Variants in SH3GL2 observed in about 807,000 individuals in gnomAD.
SH3GL2 encodes endophilin-A1.
SH3GL2 carries 24 observed loss-of-function variants against 46.0 expected under a neutral mutation model. That is an observed-to-expected ratio of 0.52 (90% CI 0.38 to 0.73). SH3GL2 has a LOEUF of 0.73. SH3GL2 is among the 30% of genes least tolerant of loss of function. The pLI is 0.00. For synonymous variants in SH3GL2, 196 were observed against 147.1 expected (o/e 1.33, Z -2.40); for missense variants, 413 against 424.2 (o/e 0.97, Z 0.23).
Position 17,622,977 on chromosome 9 carries a change from T to TTTCCTTCCCTTTCCTTTCCTTTCCG in SH3GL2, c.45+43696_45+43697insCCCTTTCCTTTCCTTTCCGTTCCTT, listed in dbSNP as rs1563786387. Reference sequence around the variant, plus strand: ...CCTTCCTCCCTCCCTTTTCCTTTCGTTTCCTTTCGTTTCCTTTCCTTTCCT... The same window carrying TTTCCTTCCCTTTCCTTTCCTTTCCG: ...CCTTCCTCCCTCCCTTTTCCTTTCGTTTCCTTCCCTTTCCTTTCCTTTCCGTTCCTTTCGTTTCCTTTCCTTTCCT... On this transcript the variant is annotated intron_variant, in intron 1 of 8. Coordinates refer to ENST00000380607, the MANE Select transcript of SH3GL2 (RefSeq NM_003026.5). Among the ~76,000 whole-genome samples, 282 of 67,128 alleles carry TTTCCTTCCCTTTCCTTTCCTTTCCG rather than the reference T, an allele frequency of 4.2e-3. 6 individuals carry two copies. The highest frequency in any genetic ancestry group is 0.012 in the South Asian group (16 of 1,390). The allele number at this position is 67,128 out of a possible 152,430, so 44.0% of individuals were successfully genotyped here.
intron 1 of SH3GL2, among the ~76,000 whole-genome samples, chr9:17,640,222 G>T (rs1353414856): frequency 2.6e-5 from 4 of 151,888 alleles, no homozygotes; most frequent in African/African-American, 7.3e-5. Flanking sequence ...TATCTTATTT[G>T]CTTCTACTAA....
chr9:17,618,793 T>TTGTGTGTGTGTGTG (rs149930816), intron 1 of SH3GL2, among the ~76,000 whole-genome samples: 18 of 149,594 alleles, frequency 1.2e-4, no homozygotes, highest in African/African-American at 4.4e-4. Flanking sequence ...TTGGCTTATT[T>TTGTGTGTGTGTGTG]TGTGTGTGTG....
Position 17,793,359 on chromosome 9 carries a change from T to A in SH3GL2, c.729-8T>A. On this transcript the variant is annotated splice_polypyrimidine_tract_variant and splice_region_variant and intron_variant, in intron 7 of 8. Transcript: ENST00000380607. ...ATAACCTTTCCACCACTTTTCTTTT[T>A]ACTGCAGAATAAGACAGGCTTCATC... is the stretch of plus-strand genomic sequence containing the variant. The A allele has an allele frequency of 6.2e-7, 1 of 1,606,928 alleles. No homozygotes were observed. The highest frequency in any genetic ancestry group is 1.7e-5 in the Admixed American group (1 of 58,470).
Position 17,624,674 on chromosome 9 carries a change from C to G in SH3GL2, c.45+45387C>G, listed in dbSNP as rs189690441. ...GCTCCTGTGTCCATGTGGCATGTTC[C>G]CATCACTTACTTTTGACAAATTTTT... On this transcript the variant is annotated intron_variant, in intron 1 of 8. Transcript: ENST00000380607. Among the ~76,000 whole-genome samples, 354 of 152,270 alleles carry G rather than the reference C, an allele frequency of 2.3e-3. 1 individual carries two copies. The highest frequency in any genetic ancestry group is 7.6e-3 in the African/African-American group (314 of 41,532).
chr9:17,786,285 C>A, intron 3 of SH3GL2, 96 bp from the exon 4 acceptor site: 1 of 1,171,354 alleles, frequency 8.5e-7, no homozygotes. Flanking sequence ...AGCTGAGCTA[C>A]TTTGTAGGCT....
At chr9:17,770,542 C>G (rs565750457) in intron 3 of SH3GL2, among the ~76,000 whole-genome samples, 25 of 151,804 alleles carry the variant, frequency 1.6e-4, no homozygotes, top group Admixed American at 5.9e-4. Flanking sequence ...TGCTGCTAAC[C>G]AATAAATATG....
chr9:17,621,472 A>G (rs1160827786), intron 1 of SH3GL2, among the ~76,000 whole-genome samples: 2 of 152,256 alleles, frequency 1.3e-5, no homozygotes, highest in Non-Finnish European at 2.9e-5. Flanking sequence ...GATCACAATC[A>G]TATGATGACT....
chr9:17,723,942 G>A (rs1221784858), intron 1 of SH3GL2, among the ~76,000 whole-genome samples: 2 of 151,986 alleles, frequency 1.3e-5, no homozygotes, highest in East Asian at 3.9e-4. Context: ...ATCTTTCAAC[G>A]TTTTGAAGTG....
chr9:17,781,610 A>G (rs1279441460), intron 3 of SH3GL2, among the ~76,000 whole-genome samples: 1 of 152,134 alleles, frequency 6.6e-6, no homozygotes, highest in Non-Finnish European at 1.5e-5. Context: ...GTATGTGTCT[A>G]TTCAGCTTTA....
chr9:17,591,690 C>G (rs1201037745), intron 1 of SH3GL2, among the ~76,000 whole-genome samples: 1 of 152,134 alleles, frequency 6.6e-6, no homozygotes, highest in African/African-American at 2.4e-5. Flanking sequence ...TTTCGGGTCT[C>G]AAAGTTCATC....
At chr9:17,773,592 C>A (rs1411757683) in intron 3 of SH3GL2, among the ~76,000 whole-genome samples, 2 of 152,046 alleles carry the variant, frequency 1.3e-5, no homozygotes, top group African/African-American at 4.8e-5. Context: ...GTCTTGGTAC[C>A]TTTGTCAAAA....
intron 1 of SH3GL2, among the ~76,000 whole-genome samples, chr9:17,583,225 C>G (rs1818310529): frequency 6.6e-6 from 1 of 152,116 alleles, no homozygotes; most frequent in South Asian, 2.1e-4. Context: ...AAAAGATATA[C>G]TTTCTCCTTT....
intron 1 of SH3GL2, among the ~76,000 whole-genome samples, chr9:17,734,509 A>C (rs765470522): frequency 6.6e-6 from 1 of 152,140 alleles, no homozygotes; most frequent in Non-Finnish European, 1.5e-5. Flanking sequence ...GTTAAGAGGT[A>C]AGACATTTTG....
chr9:17,591,136 C>T (rs1818473891), intron 1 of SH3GL2: 1 of 152,148 alleles, frequency 6.6e-6, no homozygotes, highest in African/African-American at 2.4e-5. Flanking sequence ...CATTTTGATA[C>T]ATTTTCACCA....
At chr9:17,603,861 G>A (rs4961577) in intron 1 of SH3GL2, among the ~76,000 whole-genome samples, 88,400 of 151,970 alleles carry the variant, frequency 0.58, 28,858 homozygotes, top group Non-Finnish European at 0.72. Context: ...GCGAAACTCC[G>A]TGTCAAAAAA....
At chr9:17,622,136 C>A (rs1819155223) in intron 1 of SH3GL2, among the ~76,000 whole-genome samples, 1 of 152,080 alleles carries the variant, frequency 6.6e-6, no homozygotes, top group Non-Finnish European at 1.5e-5. Flanking sequence ...TTGCTTGTAA[C>A]CTTTTAATGA....
intron 1 of SH3GL2, among the ~76,000 whole-genome samples, chr9:17,655,326 C>CT (rs1368124271): frequency 6.6e-6 from 1 of 152,160 alleles, no homozygotes; most frequent in East Asian, 1.9e-4. Flanking sequence ...GTCCCTCCCT[C>CT]TTCCTGTGCC....
intron 1 of SH3GL2, among the ~76,000 whole-genome samples, chr9:17,744,470 A>G (rs912167952): frequency 3.9e-5 from 6 of 151,950 alleles, no homozygotes; most frequent in Admixed American, 1.3e-4. Flanking sequence ...AGCTCAAGCA[A>G]TTCTTTCACC....
intron 3 of SH3GL2, among the ~76,000 whole-genome samples, chr9:17,768,832 T>G (rs1823392695): frequency 6.6e-6 from 1 of 152,226 alleles, no homozygotes; most frequent in South Asian, 2.1e-4. Context: ...CATGCTACCT[T>G]TATATCACAT....
Sources: gnomAD v4.1 joint callset for allele counts (sites outside exome capture counted in the v4.1 genomes callset) on GRCh38, gnomAD v4.1.1 for gene constraint, MANE v1.5 for transcripts, NCBI Gene and HGNC (gene_info 2026-07-23, HGNC 2026-07-21) for gene names.